Variants in CYSLTR1 observed in about 807,000 individuals in gnomAD.
CYSLTR1 encodes G-protein coupled receptor HG55.
Under a neutral mutation model 2.1 loss-of-function variants are expected in CYSLTR1, and 1 was observed. That is an observed-to-expected ratio of 0.48 (90% CI 0.17 to 2.28). The LOEUF (loss-of-function observed/expected upper bound fraction) is 2.28. CYSLTR1 is among the 30% of genes most tolerant of loss of function. CYSLTR1 has a pLI of 0.26. For missense variants in CYSLTR1, 299 were observed against 250.1 expected, an observed-to-expected ratio of 1.20 and a Z score of -1.32; for synonymous variants, 110 against 89.6, an observed-to-expected ratio of 1.23 and a Z score of -1.28.
At chrX:78,318,567 G>A (rs1015412731) in intron 1 of CYSLTR1, among the ~76,000 whole-genome samples, 1 of 112,013 alleles carries the variant, frequency 8.9e-6, no homozygotes, top group Non-Finnish European at 1.9e-5. Context: ...AAACTTTCAT[G>A]CAAATAACAA....
At chrX:78,276,405 G>A (rs1487112593) in intron 2 of CYSLTR1, among the ~76,000 whole-genome samples, 1 of 111,305 alleles carries the variant, frequency 9.0e-6, no homozygotes, top group East Asian at 2.8e-4. Context: ...TGTAAGAGAC[G>A]TGTTGGGGTT....
intron 2 of CYSLTR1, among the ~76,000 whole-genome samples, chrX:78,276,413 G>T (rs886769045): frequency 1.8e-5 from 2 of 111,271 alleles, no homozygotes; most frequent in African/African-American, 6.5e-5. Flanking sequence ...ACGTGTTGGG[G>T]TTTGCAAGGT....
chrX:78,313,715 G>T (rs321007), intron 1 of CYSLTR1, among the ~76,000 whole-genome samples: 1 of 109,975 alleles, frequency 9.1e-6, no homozygotes, highest in East Asian at 2.9e-4. Context: ...GGCCCTGGAC[G>T]TGGGCATGGA....
chrX:78,327,335 C>T lies in CYSLTR1; in HGVS notation c.-145G>A, dbSNP rs1049989760. ...AACTTCAAGGTCCACAGTTTACTGT[C>T]CTTTTGCGTTTGTTCTCAGAAGCAA... On this transcript the variant is annotated 5_prime_UTR_variant, in exon 1 of 3. Transcript: ENST00000373304. 2.7e-5 allele frequency: 3 copies of T among 111,811 alleles called. No individual in the cohort carries two copies. Among genetic ancestry groups the T allele is most frequent in the African/African-American group, 9.8e-5 (3 of 30,734 alleles). 9.2% of individuals were successfully genotyped at this position (111,811 alleles called of 1,213,427 possible).
chrX:78,277,936 A>G (rs1237989987), intron 2 of CYSLTR1, among the ~76,000 whole-genome samples: 1 of 111,918 alleles, frequency 8.9e-6, no homozygotes, highest in Non-Finnish European at 1.9e-5. Flanking sequence ...AATAGTTGAA[A>G]TGACAGACAT....
At chrX:78,317,114 C>A (rs935059870) in intron 1 of CYSLTR1, among the ~76,000 whole-genome samples, 8 of 111,921 alleles carry the variant, frequency 7.1e-5, no homozygotes, top group Non-Finnish European at 1.3e-4. Context: ...CCAAAGTCTA[C>A]AACAACTCAA....
At chrX:78,307,025 CTGTT>C (rs1397071145) in intron 1 of CYSLTR1, among the ~76,000 whole-genome samples, 1 of 111,740 alleles carries the variant, frequency 8.9e-6, no homozygotes, top group Non-Finnish European at 1.9e-5. Flanking sequence ...TTTTCAACCT[CTGTT>C]TGGATTGTCA....
intron 1 of CYSLTR1, among the ~76,000 whole-genome samples, chrX:78,300,514 G>A (rs1475655626): frequency 8.8e-6 from 1 of 113,027 alleles, no homozygotes; most frequent in African/African-American, 3.2e-5. Context: ...GGCACCCCAA[G>A]CCCAGCAATG....
chrX:78,301,463 A>G (rs1922819051), intron 1 of CYSLTR1, among the ~76,000 whole-genome samples: 1 of 111,945 alleles, frequency 8.9e-6, no homozygotes, highest in African/African-American at 3.2e-5. Flanking sequence ...TCAAGTTCAG[A>G]GTTCCACAAA....
At chrX:78,280,296 G>GT in intron 2 of CYSLTR1, among the ~76,000 whole-genome samples, 1 of 111,541 alleles carries the variant, frequency 9.0e-6, no homozygotes, top group African/African-American at 3.3e-5. Flanking sequence ...CATGTCAAGT[G>GT]TTTTTTCTAA....
At chrX:78,277,241 T>C (rs1339372977) in intron 2 of CYSLTR1, among the ~76,000 whole-genome samples, 1 of 111,005 alleles carries the variant, frequency 9.0e-6, no homozygotes, top group African/African-American at 3.3e-5. Context: ...GGTAGTATGA[T>C]CTGAGGACCC....
intron 1 of CYSLTR1, among the ~76,000 whole-genome samples, chrX:78,322,893 A>G (rs1324638302): frequency 2.7e-5 from 3 of 111,660 alleles, no homozygotes; most frequent in African/African-American, 9.8e-5. Context: ...AGACAGTTGG[A>G]ATCTAAGCAC....
intron 1 of CYSLTR1, among the ~76,000 whole-genome samples, chrX:78,293,124 C>G (rs764012095): frequency 1.9e-4 from 21 of 110,966 alleles, no homozygotes; most frequent in African/African-American, 6.9e-4. Flanking sequence ...ACTGGTTGTT[C>G]CTTTCCATGT....
chrX:78,288,839 A>G (rs1260724463), intron 1 of CYSLTR1, among the ~76,000 whole-genome samples: 1 of 111,147 alleles, frequency 9.0e-6, no homozygotes, highest in Non-Finnish European at 1.9e-5. Context: ...GTGTCCATCA[A>G]CCATCCCCAC....
At chrX:78,302,306 G>A (rs915798557) in intron 1 of CYSLTR1, among the ~76,000 whole-genome samples, 1 of 112,190 alleles carries the variant, frequency 8.9e-6, no homozygotes, top group Non-Finnish European at 1.9e-5. Context: ...ACCCTGCATG[G>A]CAGTGGGCTC....
chrX:78,275,181 A>G (rs1488774421), intron 2 of CYSLTR1, among the ~76,000 whole-genome samples: 4 of 112,113 alleles, frequency 3.6e-5, no homozygotes, highest in African/African-American at 3.2e-5. Flanking sequence ...CGATTCCTCA[A>G]GGATCTAGAA....
At chrX:78,290,274 A>G (rs1041371746) in intron 1 of CYSLTR1, among the ~76,000 whole-genome samples, 3 of 111,121 alleles carry the variant, frequency 2.7e-5, no homozygotes, top group African/African-American at 9.8e-5. Context: ...ATGGTTGTAG[A>G]TGGGTGGTGT....
At chrX:78,291,543 G>A (rs1030192967) in intron 1 of CYSLTR1, among the ~76,000 whole-genome samples, 1 of 111,414 alleles carries the variant, frequency 9.0e-6, no homozygotes, top group African/African-American at 3.3e-5. Flanking sequence ...AATGGTACCA[G>A]CTCCTGTTTT....
At chrX:78,304,486 G>A (rs1171161557) in intron 1 of CYSLTR1, among the ~76,000 whole-genome samples, 1 of 111,480 alleles carries the variant, frequency 9.0e-6, no homozygotes, top group African/African-American at 3.3e-5. Flanking sequence ...GTGCCCTTAT[G>A]TGAGAGCTGG....
Sources: gnomAD v4.1 joint callset for allele counts (sites outside exome capture counted in the v4.1 genomes callset) on GRCh38, gnomAD v4.1.1 for gene constraint, MANE v1.5 for transcripts, NCBI Gene and HGNC (gene_info 2026-07-23, HGNC 2026-07-21) for gene names.